PSMA3: variants seen among roughly 807,000 people sequenced by gnomAD.
PSMA3 encodes the protein proteasome subunit alpha type-3.
In PSMA3, 8 loss-of-function variants were observed where a neutral mutation model predicts 40.0. That is an observed-to-expected ratio of 0.20 (90% CI 0.12 to 0.36). The LOEUF (loss-of-function observed/expected upper bound fraction) is 0.36, where lower values mean the gene tolerates loss of function less well. PSMA3 is among the 10% of genes least tolerant of loss of function. PSMA3 has a pLI of 1.00. For synonymous variants in PSMA3, 110 were observed against 100.0 expected, an observed-to-expected ratio of 1.10 and a Z score of -0.59; for missense variants, 219 against 310.6, an observed-to-expected ratio of 0.70 and a Z score of 2.22.
chr14:58,265,383 TTTAA>T (rs781722280), intron 7 of PSMA3: 1 of 152,184 alleles, frequency 6.6e-6, no homozygotes, highest in Admixed American at 6.5e-5. Flanking sequence ...AAAAAATCAC[TTTAA>T]TTGAGGAACA....
chr14:58,260,458 A>G (rs537924225), intron 5 of PSMA3, among the ~76,000 whole-genome samples: 25 of 152,342 alleles, frequency 1.6e-4, no homozygotes, highest in South Asian at 1.0e-3. Context: ...TCAGTATTTC[A>G]TACAATCAGC....
intron 7 of PSMA3, 93 bp from the exon 8 acceptor site, chr14:58,267,381 C>G: frequency 7.6e-7 from 1 of 1,311,136 alleles, no homozygotes; most frequent in Non-Finnish European, 9.8e-7. Flanking sequence ...GGTTATTTTC[C>G]TTGGTTTTAT....
chr14:58,248,747 G>A (rs1358181706), intron 2 of PSMA3, among the ~76,000 whole-genome samples: 1 of 151,170 alleles, frequency 6.6e-6, no homozygotes, highest in East Asian at 2.1e-4. Context: ...CTGAGGTCAG[G>A]AGTTTGAGAC....
In PSMA3 at chr14:58,267,488, C is replaced by G; in HGVS notation, c.558C>G (p.Thr186=). ...EIEKLQMKEM[T]CRDIVKEVAK... Reference sequence around the variant, plus strand: ...ATTTTCTATAGATGAAAGAAATGACCTGCCGTGATATCGTTAAAGAAGTTG... The same window carrying G: ...ATTTTCTATAGATGAAAGAAATGACGTGCCGTGATATCGTTAAAGAAGTTG... Residue 186 remains threonine (T), a synonymous_variant, in exon 8 of 11, where the codon ACC becomes ACG. Transcript: ENST00000216455. 1 of 1,566,616 alleles carries G rather than the reference C, an allele frequency of 6.4e-7. No homozygotes were observed. The highest frequency in any genetic ancestry group is 8.6e-7 in the Non-Finnish European group (1 of 1,162,144).
chr14:58,255,120 TG>T (rs1433171064), intron 3 of PSMA3, among the ~76,000 whole-genome samples: 1 of 152,156 alleles, frequency 6.6e-6, no homozygotes, highest in Non-Finnish European at 1.5e-5. Flanking sequence ...AAATACCTAA[TG>T]GTTTCATTTA....
intron 3 of PSMA3, among the ~76,000 whole-genome samples, chr14:58,253,041 G>A (rs1446721831): frequency 6.7e-6 from 1 of 150,320 alleles, no homozygotes; most frequent in South Asian, 2.1e-4. Context: ...CCGGAGTGCA[G>A]TGGCGCCATC....
At position 58,244,918 on chromosome 14, in the gene PSMA3, A is replaced by G; in HGVS notation, c.-3A>G. On this transcript the variant is annotated 5_prime_UTR_variant, in exon 1 of 11. Coordinates refer to ENST00000216455, the MANE Select transcript of PSMA3 (RefSeq NM_002788.4). ...CCCTACGCGTCCCTTTGGGTTTAGCACGATGAGCTCAATCGGCACTGGGGT... is the reference window on the plus strand; with the variant it reads ...CCCTACGCGTCCCTTTGGGTTTAGCGCGATGAGCTCAATCGGCACTGGGGT... 5 of 1,614,204 alleles carry G rather than the reference A, an allele frequency of 3.1e-6. No homozygotes were observed. The highest frequency in any genetic ancestry group is 4.2e-6 in the Non-Finnish European group (5 of 1,180,028).
Position 58,265,747 on chromosome 14 carries a change from G to A in PSMA3, c.544-1727G>A, listed in dbSNP as rs148619470. ...CTTTTCAAGTTTGACTTTTTAGGAT[G>A]CAATTAATTCACTAAATACAGAACT... On this transcript the variant is annotated intron_variant, in intron 7 of 10. Transcript: ENST00000216455. 1.1e-4 allele frequency: 16 copies of A among 152,292 alleles called. No individual in the cohort carries two copies. The East Asian group carries it at 3.1e-3, about 29-fold the overall frequency. 9.4% of individuals were successfully genotyped at this position (152,292 alleles called of 1,614,324 possible).
At chr14:58,270,532 A>T (rs373987578) in intron 9 of PSMA3, 47 bp downstream of exon 9, 1 of 1,609,472 alleles carries the variant, frequency 6.2e-7, no homozygotes, top group African/African-American at 1.3e-5. Context: ...GATCTGTACC[A>T]CAGCTAATTT....
At chr14:58,248,723 G>A (rs1383454105) in intron 2 of PSMA3, among the ~76,000 whole-genome samples, 1 of 151,886 alleles carries the variant, frequency 6.6e-6, no homozygotes, top group Non-Finnish European at 1.5e-5. Flanking sequence ...GGGAGGCTGA[G>A]GCGGGCGGAT....
In PSMA3 at chr14:58,263,636, CATT is replaced by C. The variant is rs1481066360; in HGVS notation, c.478-67_478-65del. On this transcript the variant is annotated intron_variant, in intron 6 of 10. Coordinates refer to ENST00000216455, the MANE Select transcript of PSMA3 (RefSeq NM_002788.4). ...GCATCCTTTCACTAGGTTATAGAAA[CATT>C]AGTAGTCATTAATTACATATGATAG... 3.2e-6 allele frequency: 4 copies of C among 1,252,910 alleles called. No homozygotes were observed. In the African/African-American group the frequency reaches 4.5e-5, roughly 14 times the overall value. The allele number at this position is 1,252,910 out of a possible 1,614,324, so 77.6% of individuals were successfully genotyped here. A position where few individuals can be genotyped will look rare whatever the true frequency, so the allele number is the denominator to read the frequency against.
Position 58,267,319 on chromosome 14 carries a change from AAC to A in PSMA3, c.544-153_544-152del, listed in dbSNP as rs1649126246. ...ACCCAGCCTGGAGTATAAATTTCAAAACATTAAAATATGAATCAGGAAACTTC... is the reference window on the plus strand; with the variant it reads ...ACCCAGCCTGGAGTATAAATTTCAAAATTAAAATATGAATCAGGAAACTTC... On this transcript the variant is annotated intron_variant, in intron 7 of 10. Coordinates refer to ENST00000216455, the MANE Select transcript of PSMA3 (RefSeq NM_002788.4). 4 of 1,191,346 alleles carry A rather than the reference AAC, an allele frequency of 3.4e-6. No homozygotes were observed. The Admixed American group carries it at 1.4e-4, about 40-fold the overall frequency. 73.8% of individuals were successfully genotyped at this position (1,191,346 alleles called of 1,614,324 possible).
At position 58,267,497 on chromosome 14, in the gene PSMA3, T is replaced by C. The variant is rs758691359; in HGVS notation, c.567T>C (p.Asp189=). 2 of 1,573,820 alleles carry C rather than the reference T, an allele frequency of 1.3e-6. No homozygotes were observed. The highest frequency in any genetic ancestry group is 1.7e-6 in the Non-Finnish European group (2 of 1,165,092). ...AGATGAAAGAAATGACCTGCCGTGATATCGTTAAAGAAGTTGCAAAAATGT... is the reference window on the plus strand; with the variant it reads ...AGATGAAAGAAATGACCTGCCGTGACATCGTTAAAGAAGTTGCAAAAATGT... ...KLQMKEMTCR[D]IVKEVAKIIY... The change falls in exon 8 of 11, where the codon GAT becomes GAC. Residue 189 remains aspartate (D), a synonymous_variant. Transcript: ENST00000216455.
rs1594836540 is a variant in PSMA3 at position 58,271,887 on chromosome 14, A to C, written c.760A>C (p.Asn254His). 4.4e-6 allele frequency: 7 copies of C among 1,586,910 alleles called. No homozygotes were observed. The East Asian group carries it at 1.3e-4, about 30-fold the overall frequency. ...LKEEDESDDD[N>H]M ...GGAAGAAGATGAATCAGATGATGATAATATGTAACATTTACTCCAGCATCT... is the reference window on the plus strand; with the variant it reads ...GGAAGAAGATGAATCAGATGATGATCATATGTAACATTTACTCCAGCATCT... Residue 254 changes from asparagine (N) to histidine (H), a missense_variant, in exon 11 of 11, where the codon AAT (asparagine) becomes CAT (histidine). Coordinates refer to ENST00000216455, the MANE Select transcript of PSMA3 (RefSeq NM_002788.4).
At chr14:58,252,087 T>C (rs1299964397) in intron 2 of PSMA3, 32 bp from the exon 3 acceptor site, 2 of 1,566,308 alleles carry the variant, frequency 1.3e-6, no homozygotes, top group African/African-American at 1.4e-5. Flanking sequence ...TTATTTTCAG[T>C]TAAAAAACTG....
At chr14:58,248,278 A>C (rs1258716768) in intron 2 of PSMA3, among the ~76,000 whole-genome samples, 1 of 152,214 alleles carries the variant, frequency 6.6e-6, no homozygotes, top group East Asian at 1.9e-4. Flanking sequence ...CACCTAGGCT[A>C]GAGTGCAGTG....
chr14:58,270,649 A>G (rs1354701641), intron 9 of PSMA3, among the ~76,000 whole-genome samples, 164 bp downstream of exon 9: 2 of 152,208 alleles, frequency 1.3e-5, no homozygotes, highest in African/African-American at 2.4e-5. Context: ...TGAACACGTT[A>G]TTTTTTGAAA....
intron 2 of PSMA3, among the ~76,000 whole-genome samples, chr14:58,248,426 T>C (rs1033326047): frequency 4.6e-5 from 7 of 151,890 alleles, no homozygotes; most frequent in African/African-American, 1.7e-4. Flanking sequence ...GACGGGGTTT[T>C]GCCACGTTGG....
intron 5 of PSMA3, among the ~76,000 whole-genome samples, chr14:58,259,903 T>C (rs1890233126): frequency 1.3e-5 from 2 of 152,198 alleles, no homozygotes; most frequent in South Asian, 4.1e-4. Context: ...TCCAGTCATA[T>C]AAAAGTCTGT....
Sources: gnomAD v4.1 joint callset for allele counts (sites outside exome capture counted in the v4.1 genomes callset) on GRCh38, gnomAD v4.1.1 for gene constraint, MANE v1.5 for transcripts, NCBI Gene and HGNC (gene_info 2026-07-23, HGNC 2026-07-21) for gene names.